CD160: variants seen among roughly 807,000 people sequenced by gnomAD.
CD160 encodes CD160 antigen.
In CD160, 11 loss-of-function variants were observed where a neutral mutation model predicts 19.2. That is an observed-to-expected ratio of 0.57 (90% confidence interval 0.36 to 0.95). The LOEUF is 0.95. CD160 is among the 40% of genes least tolerant of loss of function. CD160 has a pLI of 0.01. For missense variants in CD160, 182 were observed against 213.2 expected, an observed-to-expected ratio of 0.85 and a Z score of 0.91; for synonymous variants, 75 against 81.1, an observed-to-expected ratio of 0.93 and a Z score of 0.40.
At chr1:145,736,218 A>C in intron 5 of CD160, 84 bp downstream of exon 5, 1 of 1,598,290 alleles carries the variant, frequency 6.3e-7, no homozygotes, top group Admixed American at 1.8e-5. Context: ...CAGGAGGAGA[A>C]GGTTGGAAAG....
At chr1:145,720,599 T>C (rs1656796155) in intron 1 of CD160, among the ~76,000 whole-genome samples, 1 of 152,176 alleles carries the variant, frequency 6.6e-6, no homozygotes, top group Non-Finnish European at 1.5e-5. Context: ...GAGATCTGTA[T>C]ACAGAGGTAT....
At chr1:145,730,582 AC>A (rs782271796) in intron 3 of CD160, among the ~76,000 whole-genome samples, 161 bp from the exon 4 acceptor site, 2 of 152,180 alleles carry the variant, frequency 1.3e-5, no homozygotes, top group Non-Finnish European at 2.9e-5. Flanking sequence ...TTACAGTCAC[AC>A]AGCCATCGAT....
Position 145,730,876 on chromosome 1 carries a change from C to T in CD160, c.206C>T (p.Ser69Phe), listed in dbSNP as rs782233243. The part of the protein sequence containing the change: ...FLCKDRSGDC[S>F]PETSLKQLRL... ...TGCAAGGACAGGTCTGGAGACTGTT[C>T]TCCTGAGACCAGTTTAAAACAGCTG... The change falls in exon 4 of 6, where the codon TCT becomes TTT. Residue 69 changes from serine to phenylalanine, a missense_variant. Ser to Phe is a radical substitution (Grantham distance 155, BLOSUM62 -2). Transcript: ENST00000369288. 2 of 1,614,164 alleles carry T rather than the reference C, an allele frequency of 1.2e-6. 1 individual carries two copies. The highest frequency in any genetic ancestry group is 1.7e-6 in the Non-Finnish European group (2 of 1,180,002).
At chr1:145,738,388 A>T in intron 5 of CD160, 98 bp from the exon 6 acceptor site, 1 of 694,888 alleles carries the variant, frequency 1.4e-6, no homozygotes, top group Non-Finnish European at 2.2e-6. Flanking sequence ...ATGAGGGCCT[A>T]TCACGCACGC....
At position 145,732,133 on chromosome 1, in the gene CD160, C is replaced by T. The variant is rs75649991; in HGVS notation, c.400+1063C>T. Among the ~76,000 whole-genome samples, 1,102 of 151,990 alleles carry T rather than the reference C, an allele frequency of 7.3e-3. 23 individuals are homozygous for T. The highest frequency in any genetic ancestry group is 0.025 in the African/African-American group (1,055 of 41,408). ...CAACAGAAAGTGTCTCTCTGTGTAA[C>T]TATATTCCTAGACAATAGAGCAAGC... On this transcript the variant is annotated intron_variant, in intron 4 of 5. Coordinates refer to ENST00000369288, the MANE Select transcript of CD160 (RefSeq NM_007053.4).
Position 145,730,794 on chromosome 1 carries a change from T to C in CD160, c.124T>C (p.Leu42=). ...SASQEGTRLN[L]ICTVWHKKEE... is the part of the protein sequence containing the mutation. ...TTCCCAGGAAGGAACGCGACTAAAC[T>C]TAATCTGTACTGTATGGCATAAGAA... is the stretch of plus-strand genomic sequence containing the variant. Residue 42 remains leucine, a synonymous_variant, in exon 4 of 6, where the codon TTA becomes CTA. Coordinates refer to ENST00000369288, the MANE Select transcript of CD160 (RefSeq NM_007053.4). 2.5e-6 allele frequency: 4 copies of C among 1,614,118 alleles called. No homozygotes were observed. Among genetic ancestry groups the C allele is most frequent in the Non-Finnish European group, 3.4e-6 (4 of 1,180,026 alleles).
intron 1 of CD160, among the ~76,000 whole-genome samples, chr1:145,722,671 A>T (rs1264768174): frequency 6.6e-6 from 1 of 152,186 alleles, no homozygotes; most frequent in Non-Finnish European, 1.5e-5. Context: ...AGCTCACTGC[A>T]AGCTCCGCCT....
intron 1 of CD160, among the ~76,000 whole-genome samples, chr1:145,720,317 T>G (rs1025643624): frequency 6.6e-6 from 1 of 152,212 alleles, no homozygotes; most frequent in Non-Finnish European, 1.5e-5. Context: ...TGTATCTTAT[T>G]AATTTTTAAA....
chr1:145,730,043 C>T (rs1657224105), intron 3 of CD160, among the ~76,000 whole-genome samples: 1 of 152,122 alleles, frequency 6.6e-6, no homozygotes, highest in Non-Finnish European at 1.5e-5. Flanking sequence ...CTGAGAGTGG[C>T]CAGGCACAGT....
intron 4 of CD160, 88 bp from the exon 5 acceptor site, chr1:145,735,909 C>G: frequency 1.1e-6 from 1 of 906,254 alleles, no homozygotes; most frequent in South Asian, 1.6e-5. Flanking sequence ...CCTTGGAGAT[C>G]ATAAAAGAGA....
At chr1:145,732,766 T>A (rs1657345977) in intron 4 of CD160, among the ~76,000 whole-genome samples, 3 of 152,142 alleles carry the variant, frequency 2.0e-5, no homozygotes, top group Admixed American at 2.0e-4. Context: ...CACAACTTGA[T>A]TTTGCAAAAA....
chr1:145,721,532 G>C (rs587768120), intron 1 of CD160, among the ~76,000 whole-genome samples: 1 of 152,150 alleles, frequency 6.6e-6, no homozygotes, highest in South Asian at 2.1e-4. Flanking sequence ...CGCGAAGTCT[G>C]GCCACTCCAG....
intron 2 of CD160, 128 bp from the exon 3 acceptor site, chr1:145,728,128 T>C: frequency 1.9e-6 from 1 of 538,526 alleles, no homozygotes; most frequent in Non-Finnish European, 3.3e-6. Context: ...CCCAGCCAGC[T>C]GGACTCTCAT....
chr1:145,720,345 A>G lies in CD160; in HGVS notation c.-179+786A>G, dbSNP rs587642680. 2.9e-4 allele frequency among the ~76,000 whole-genome samples: 44 copies of G among 152,072 alleles called. No homozygotes were observed. In the East Asian group the frequency reaches 8.5e-3, roughly 29 times the overall value. Reference sequence around the variant, plus strand: ...TTTTTAAATGTTGTTCTGAGAAGGGACTCCATATGCCTTCCCAGACCACCA... The same window carrying G: ...TTTTTAAATGTTGTTCTGAGAAGGGGCTCCATATGCCTTCCCAGACCACCA... On this transcript the variant is annotated intron_variant, in intron 1 of 5. Coordinates refer to ENST00000369288, the MANE Select transcript of CD160 (RefSeq NM_007053.4).
chr1:145,731,130 A>G, intron 4 of CD160, 60 bp downstream of exon 4: 1 of 1,291,484 alleles, frequency 7.7e-7, no homozygotes, highest in Non-Finnish European at 1.1e-6. Flanking sequence ...TTGACAGTGG[A>G]GATGTAACCA....
In CD160 at chr1:145,738,466, T is replaced by C; in HGVS notation, c.539-20T>C. 2 of 1,321,100 alleles carry C rather than the reference T, an allele frequency of 1.5e-6. No homozygotes were observed. Among genetic ancestry groups the C allele is most frequent in the Non-Finnish European group, 2.0e-6 (2 of 1,024,064 alleles). The allele number at this position is 1,321,100 out of a possible 1,614,324, so 81.8% of individuals were successfully genotyped here. On this transcript the variant is annotated intron_variant, in intron 5 of 5. Coordinates refer to ENST00000369288, the MANE Select transcript of CD160 (RefSeq NM_007053.4). ...GCTATTCTAAGTTATAAGGCAGTAATACAAACTTTCTTTCCACAGCTTTGT... is the reference window on the plus strand; with the variant it reads ...GCTATTCTAAGTTATAAGGCAGTAACACAAACTTTCTTTCCACAGCTTTGT...
chr1:145,732,026 T>A (rs1657315528), intron 4 of CD160, among the ~76,000 whole-genome samples: 1 of 152,196 alleles, frequency 6.6e-6, no homozygotes, highest in Admixed American at 6.5e-5. Context: ...ATGCTCCCCC[T>A]GCTCCATTAC....
intron 1 of CD160, among the ~76,000 whole-genome samples, chr1:145,723,711 G>A (rs1656944736): frequency 6.6e-6 from 1 of 152,084 alleles, no homozygotes; most frequent in South Asian, 2.1e-4. Flanking sequence ...AGCCTCCTGA[G>A]TAGGTGGGAT....
intron 4 of CD160, among the ~76,000 whole-genome samples, chr1:145,731,436 T>A (rs1657288996): frequency 1.3e-5 from 2 of 152,096 alleles, no homozygotes; most frequent in Admixed American, 1.3e-4. Flanking sequence ...TTTGGGAGGC[T>A]GAGGTAGGCA....
Sources: gnomAD v4.1 joint callset for allele counts (sites outside exome capture counted in the v4.1 genomes callset) on GRCh38, gnomAD v4.1.1 for gene constraint, MANE v1.5 for transcripts, NCBI Gene and HGNC (gene_info 2026-07-23, HGNC 2026-07-21) for gene names.